SCAI: variants seen among roughly 807,000 people sequenced by gnomAD.
SCAI encodes the protein suppressor of cancer cell invasion.
A neutral mutation model predicts 92.2 loss-of-function variants in SCAI; 24 were observed. The observed-to-expected ratio is 0.26, with a 90% CI of 0.19 to 0.37. The LOEUF (loss-of-function observed/expected upper bound fraction) is 0.37, where lower values mean the gene tolerates loss of function less well. Ranked by LOEUF, SCAI falls within the 10% of genes least tolerant of loss-of-function variation. The pLI, the probability that SCAI is intolerant of heterozygous loss-of-function variation, is 1.00. For missense variants in SCAI, 450 were observed against 736.2 expected (o/e 0.61, Z 4.50); for synonymous variants, 261 against 258.6 (o/e 1.01, Z -0.09).
At chr9:124,955,555 A>G (rs1057481087) in intron 17 of SCAI, among the ~76,000 whole-genome samples, 19 of 152,246 alleles carry the variant, frequency 1.2e-4, no homozygotes, top group Middle Eastern at 6.8e-3. Flanking sequence ...CGGGAGGCAG[A>G]GGTTGCAGTG....
intron 15 of SCAI, among the ~76,000 whole-genome samples, chr9:124,974,851 C>T (rs941053325): frequency 2.6e-5 from 4 of 152,150 alleles, no homozygotes; most frequent in Non-Finnish European, 4.4e-5. Flanking sequence ...GATGAAGAAA[C>T]TGAGGCACAG....
At chr9:124,968,013 A>T (rs1831573457) in intron 17 of SCAI, among the ~76,000 whole-genome samples, 1 of 152,134 alleles carries the variant, frequency 6.6e-6, no homozygotes, top group Admixed American at 6.6e-5. Context: ...TTGCTTTTTT[A>T]AAGGTTGTTA....
chr9:125,003,555 G>A lies in SCAI; in HGVS notation c.877C>T (p.Leu293=), dbSNP rs747834302. 4.4e-5 allele frequency: 71 copies of A among 1,607,654 alleles called. No individual in the cohort carries two copies. The highest frequency in any genetic ancestry group is 1.6e-4 in the Middle Eastern group (1 of 6,066). ...NCNNQVKFSE[L]TVDMFRMLQA... is the part of the protein sequence containing the mutation. ...AACATCCGGAACATGTCAACAGTTA[G>A]TTCACTGAACTTAACCTGCAAGAAA... Residue 293 remains leucine, a synonymous_variant, in exon 10 of 18, where the codon CTA becomes TTA. Transcript: ENST00000336505.
At chr9:125,007,623 C>A (rs554127114) in intron 9 of SCAI, among the ~76,000 whole-genome samples, 52 of 152,040 alleles carry the variant, frequency 3.4e-4, no homozygotes, top group Middle Eastern at 3.4e-3. Context: ...GCACTCCCAC[C>A]TGCATGACAG....
At chr9:125,005,070 G>A (rs1399626194) in intron 9 of SCAI, among the ~76,000 whole-genome samples, 1 of 151,640 alleles carries the variant, frequency 6.6e-6, no homozygotes, top group East Asian at 1.9e-4. Flanking sequence ...TCACAGGCAT[G>A]AGCTACCGCG....
At chr9:125,069,617 CTTTTTTTTTTTTT>C (rs919064250) in intron 2 of SCAI, among the ~76,000 whole-genome samples, 1 of 91,032 alleles carries the variant, frequency 1.1e-5, no homozygotes, top group African/African-American at 4.9e-5. Flanking sequence ...TGCACCCGGT[CTTTTTTTTTTTTT>C]TTTTTTTTTT....
chr9:124,985,871 A>G (rs1428255460), intron 14 of SCAI, among the ~76,000 whole-genome samples: 1 of 151,864 alleles, frequency 6.6e-6, no homozygotes, highest in Non-Finnish European at 1.5e-5. Context: ...CTCAATAAAA[A>G]AAAAAAAAAA....
intron 2 of SCAI, among the ~76,000 whole-genome samples, chr9:125,141,470 T>C (rs1280770791): frequency 6.6e-6 from 1 of 152,258 alleles, no homozygotes; most frequent in African/African-American, 2.4e-5. Flanking sequence ...AATTGCTATG[T>C]AGTACCTCTC....
chr9:124,986,022 T>C (rs904280738), intron 14 of SCAI, among the ~76,000 whole-genome samples: 2 of 151,896 alleles, frequency 1.3e-5, no homozygotes, highest in African/African-American at 4.8e-5. Context: ...CCGGGCGCGG[T>C]GGCTCATGCC....
At chr9:125,077,146 A>T (rs1437213699) in intron 2 of SCAI, among the ~76,000 whole-genome samples, 2 of 152,228 alleles carry the variant, frequency 1.3e-5, no homozygotes, top group African/African-American at 4.8e-5. Flanking sequence ...TCATATGGTC[A>T]TATGATGTAT....
At chr9:125,041,573 G>C (rs1242801210) in intron 3 of SCAI, among the ~76,000 whole-genome samples, 1 of 152,134 alleles carries the variant, frequency 6.6e-6, no homozygotes, top group African/African-American at 2.4e-5. Context: ...GGAGAAAACA[G>C]AACTAGAAGC....
chr9:125,009,967 C>G (rs531802897), intron 9 of SCAI, among the ~76,000 whole-genome samples: 1 of 152,086 alleles, frequency 6.6e-6, no homozygotes, highest in Non-Finnish European at 1.5e-5. Context: ...GGCCAAGGTG[C>G]GCAGATCACG....
chr9:125,013,847 C>T (rs1330401468), intron 9 of SCAI, among the ~76,000 whole-genome samples: 1 of 152,306 alleles, frequency 6.6e-6, no homozygotes, highest in South Asian at 2.1e-4. Flanking sequence ...AAGTGGGCTT[C>T]ATCCCTGGGA....
At chr9:125,119,607 T>C (rs557850234) in intron 2 of SCAI, among the ~76,000 whole-genome samples, 2 of 152,338 alleles carry the variant, frequency 1.3e-5, no homozygotes, top group East Asian at 3.9e-4. Context: ...TAGTATGATC[T>C]CTAAACTCCG....
intron 2 of SCAI, among the ~76,000 whole-genome samples, chr9:125,121,207 G>A (rs770738893): frequency 2.0e-5 from 3 of 150,704 alleles, no homozygotes; most frequent in Middle Eastern, 3.4e-3. Flanking sequence ...TAGTTTCAGC[G>A]TGAACAAGGT....
intron 2 of SCAI, among the ~76,000 whole-genome samples, chr9:125,112,796 T>C (rs949467092): frequency 6.6e-6 from 1 of 152,162 alleles, no homozygotes; most frequent in Admixed American, 6.5e-5. Context: ...GAGCATCTTG[T>C]AGTGCCAGAA....
chr9:124,968,189 G>T, intron 17 of SCAI: 1 of 656,462 alleles, frequency 1.5e-6, no homozygotes, highest in South Asian at 2.0e-5. Flanking sequence ...TCAAAAGCAG[G>T]AATGAAAAAC....
chr9:125,113,875 T>C (rs548669179), intron 2 of SCAI, among the ~76,000 whole-genome samples: 4 of 152,156 alleles, frequency 2.6e-5, no homozygotes, highest in African/African-American at 4.8e-5. Context: ...GGCGGGAGAA[T>C]AGCTTGAAAG....
chr9:125,137,576 C>G (rs905432133), intron 2 of SCAI, among the ~76,000 whole-genome samples: 2 of 152,164 alleles, frequency 1.3e-5, no homozygotes, highest in Non-Finnish European at 2.9e-5. Flanking sequence ...CAATAACTCA[C>G]TTGGATTGAG....
Sources: allele counts gnomAD v4.1 joint callset (sites outside exome capture counted in the v4.1 genomes callset), GRCh38; gene constraint gnomAD v4.1.1; transcripts MANE v1.5; gene names NCBI Gene and HGNC (gene_info 2026-07-23, HGNC 2026-07-21).